OTOF: variants seen among roughly 807,000 people sequenced by gnomAD.
OTOF encodes otoferlin.
Under a neutral mutation model 236.8 loss-of-function variants are expected in OTOF, and 218 were observed. The observed-to-expected ratio is 0.92, with a 90% CI of 0.82 to 1.03. The LOEUF (loss-of-function observed/expected upper bound fraction) is 1.03. OTOF is among the 50% of genes least tolerant of loss of function. OTOF has a pLI of 0.00. For missense variants in OTOF, 2,590 were observed against 2,694.4 expected (o/e 0.96, Z 0.86); for synonymous variants, 1,041 against 1,072.5 (o/e 0.97, Z 0.57).
At chr2:26,495,871 A>C (rs1010918383) in intron 8 of OTOF, among the ~76,000 whole-genome samples, 2 of 152,234 alleles carry the variant, frequency 1.3e-5, no homozygotes, top group Non-Finnish European at 2.9e-5. Flanking sequence ...GTCTTCATTA[A>C]CTTGCATTTA....
chr2:26,462,917 G>A lies in OTOF; in HGVS notation c.5192+566C>T, dbSNP rs1390295261. ...TCTGACAGCTGGACTTGAACCTGCCGCTTTATGGATGGGAAACCCGGGTTC... is the reference window on the plus strand; with the variant it reads ...TCTGACAGCTGGACTTGAACCTGCCACTTTATGGATGGGAAACCCGGGTTC... On this transcript the variant is annotated intron_variant, in intron 41 of 46. Coordinates refer to ENST00000272371, the MANE Select transcript of OTOF (RefSeq NM_194248.3). The surrounding 1 kb of genome is among the most constrained non-coding windows in gnomAD (Gnocchi z 4.7). Among the ~76,000 whole-genome samples the A allele has an allele frequency of 2.6e-5, 4 of 152,164 alleles. No homozygotes were observed. The highest frequency in any genetic ancestry group is 6.5e-5 in the Admixed American group (1 of 15,274).
intron 1 of OTOF, among the ~76,000 whole-genome samples, chr2:26,541,636 G>C (rs1396615767): frequency 6.6e-6 from 1 of 152,180 alleles, no homozygotes; most frequent in Non-Finnish European, 1.5e-5. Context: ...AAGTGATCAG[G>C]GGGATGACTA....
intron 1 of OTOF, among the ~76,000 whole-genome samples, chr2:26,547,611 A>T (rs775036963): frequency 6.6e-6 from 1 of 152,104 alleles, no homozygotes; most frequent in Non-Finnish European, 1.5e-5. Flanking sequence ...CGATATGGGC[A>T]GATCACTTGA....
chr2:26,516,374 G>A (rs368652494), intron 5 of OTOF, 44 bp downstream of exon 5: 24 of 1,575,476 alleles, frequency 1.5e-5, no homozygotes, highest in African/African-American at 8.1e-5. Flanking sequence ...TCTCTTCCCC[G>A]TGTCTTGGGA....
In OTOF at chr2:26,483,766, G is replaced by A. The variant is rs1431953655; in HGVS notation, c.1206-118C>T. The A allele has an allele frequency of 6.6e-6, 6 of 902,994 alleles. No individual in the cohort carries two copies. In the Admixed American group the frequency reaches 1.1e-4, roughly 17 times the overall value. 55.9% of individuals were successfully genotyped at this position (902,994 alleles called of 1,614,324 possible). On this transcript the variant is annotated intron_variant, in intron 12 of 46. Transcript: ENST00000272371. ...TCTAAGGGACAGCTGAGGGAGCAAGGCTAGGATTAGACACTTGTGTTCACG... is the reference window on the plus strand; with the variant it reads ...TCTAAGGGACAGCTGAGGGAGCAAGACTAGGATTAGACACTTGTGTTCACG...
intron 7 of OTOF, 129 bp downstream of exon 7, chr2:26,502,171 G>T: frequency 1.0e-6 from 1 of 970,016 alleles, no homozygotes; most frequent in Non-Finnish European, 1.6e-6. Context: ...GCAGAAAAGG[G>T]TAAGGTTAGG....
intron 9 of OTOF, among the ~76,000 whole-genome samples, chr2:26,490,944 G>A (rs1016692841): frequency 1.3e-5 from 2 of 152,156 alleles, no homozygotes; most frequent in Non-Finnish European, 2.9e-5. Context: ...GAGTTCTGAA[G>A]CTCTGGGGAG....
intron 1 of OTOF, among the ~76,000 whole-genome samples, chr2:26,546,929 C>G (rs559895111): frequency 1.3e-5 from 2 of 152,196 alleles, no homozygotes; most frequent in South Asian, 4.2e-4. Context: ...TCTACATAAC[C>G]AATCAGGTTT....
Position 26,461,574 on chromosome 2 carries a change from GATGGACTGGAAGCA to G in OTOF, c.5533+108_5533+121del. 1 of 1,385,112 alleles carries G rather than the reference GATGGACTGGAAGCA, an allele frequency of 7.2e-7. No individual in the cohort carries two copies. The highest frequency in any genetic ancestry group is 1.0e-6 in the Non-Finnish European group (1 of 998,888). The allele number at this position is 1,385,112 out of a possible 1,614,324, so 85.8% of individuals were successfully genotyped here. On this transcript the variant is annotated intron_variant, in intron 43 of 46. Coordinates refer to ENST00000272371, the MANE Select transcript of OTOF (RefSeq NM_194248.3). The surrounding 1 kb of genome is among the most constrained non-coding windows in gnomAD (Gnocchi z 6.2). ...AACCCCGTCGGACACCCCTGGCTCT[GATGGACTGGAAGCA>G]ATGACCCCTTGTCCCCCCAAGGCAG... is the stretch of plus-strand genomic sequence containing the variant.
In OTOF at chr2:26,458,170, TTGA is replaced by T. The variant is rs754441026; in HGVS notation, c.*65_*67del. On this transcript the variant is annotated 3_prime_UTR_variant, in exon 47 of 47. Transcript: ENST00000272371. ...CTTGTACCGGGTGCAGATGAGGTAC[TTGA>T]TGGACTTGAGAGGGTTGAGGAACCA... is the stretch of plus-strand genomic sequence containing the variant. The T allele has an allele frequency of 1.9e-6, 3 of 1,613,118 alleles. No homozygotes were observed. The highest frequency in any genetic ancestry group is 2.5e-6 in the Non-Finnish European group (3 of 1,179,586).
At chr2:26,510,837 G>A (rs758948982) in intron 5 of OTOF, 8 of 819,510 alleles carry the variant, frequency 9.8e-6, no homozygotes, top group African/African-American at 3.6e-5. Flanking sequence ...GGCCCCACGG[G>A]CCTGCACGCT....
chr2:26,517,080 A>T (rs1666550993), intron 4 of OTOF, among the ~76,000 whole-genome samples: 1 of 152,206 alleles, frequency 6.6e-6, no homozygotes, highest in African/African-American at 2.4e-5. Flanking sequence ...AGAGGAGCCC[A>T]GGGCCCAGGC....
intron 3 of OTOF, among the ~76,000 whole-genome samples, chr2:26,519,658 A>G (rs7583732): frequency 0.02 from 3,092 of 152,316 alleles, 113 homozygotes; most frequent in African/African-American, 0.07. Flanking sequence ...GCTTTGGTTA[A>G]CAGCACAGTC....
In OTOF at chr2:26,462,254, G is replaced by C. The variant is rs1664503092; in HGVS notation, c.5193-73C>G. On this transcript the variant is annotated intron_variant, in intron 41 of 46. Coordinates refer to ENST00000272371, the MANE Select transcript of OTOF (RefSeq NM_194248.3). The surrounding 1 kb of genome is among the most constrained non-coding windows in gnomAD (Gnocchi z 4.7). Reference sequence around the variant, plus strand: ...TGCCAGGGTGCCAGGGCTGGGATGGGGCAGGCGGAGAGAAGCCCTGGGGTC... The same window carrying C: ...TGCCAGGGTGCCAGGGCTGGGATGGCGCAGGCGGAGAGAAGCCCTGGGGTC... 7.7e-7 allele frequency: 1 copy of C among 1,305,922 alleles called. No individual in the cohort carries two copies. Among genetic ancestry groups the C allele is most frequent in the African/African-American group, 1.4e-5 (1 of 69,078 alleles). 80.9% of individuals were successfully genotyped at this position (1,305,922 alleles called of 1,614,324 possible).
intron 9 of OTOF, among the ~76,000 whole-genome samples, chr2:26,494,378 G>A (rs1572449603): frequency 6.6e-6 from 1 of 152,242 alleles, no homozygotes. Context: ...TGAAGGAGCC[G>A]AGCCAAGAGG....
rs145151677 is a variant in OTOF at position 26,474,015 on chromosome 2, G to A, written c.3384C>T (p.Pro1128=). The A allele has an allele frequency of 1.6e-4, 266 of 1,612,998 alleles. 2 individuals carry two copies. In the African/African-American group the frequency reaches 3.2e-3, roughly 19 times the overall value. The part of the protein sequence containing the change: ...PIMPVPMGIR[P]VLSKYRVEVL... ...CCTCCACTCGGTACTTGCTGAGCAC[G>A]GGCCGGATGCCCATGGGCACGGGCA... Residue 1128 remains proline, a synonymous_variant, in exon 27 of 47, where the codon CCC becomes CCT. Coordinates refer to ENST00000272371, the MANE Select transcript of OTOF (RefSeq NM_194248.3).
intron 46 of OTOF, among the ~76,000 whole-genome samples, chr2:26,459,278 C>T (rs746234073): frequency 3.9e-5 from 6 of 152,100 alleles, no homozygotes; most frequent in Non-Finnish European, 7.4e-5. Context: ...GTCGGCTGGG[C>T]GCGGTGGCTC....
rs1369105669 is a variant in OTOF at position 26,480,298 on chromosome 2, T to C, written c.1817A>G (p.Lys606Arg). Residue 606 changes from lysine (K) to arginine (R), a missense_variant, in exon 16 of 47, where the codon AAA (lysine) becomes AGA (arginine). By Grantham distance (26) the Lys-to-Arg change is conservative. Transcript: ENST00000272371. ...TCCAAAGAGAAAGAATTCTTCCATT[T>C]TACCTGCACAGCTCTGTGGGGAGGC... ...ATPISESCAGKMEEFFLFGAF... is the reference protein window; with the variant it reads ...ATPISESCAGRMEEFFLFGAF... 6.2e-7 allele frequency: 1 copy of C among 1,605,634 alleles called. No individual in the cohort carries two copies.
At chr2:26,521,585 A>G (rs1666678392) in intron 3 of OTOF, among the ~76,000 whole-genome samples, 1 of 152,178 alleles carries the variant, frequency 6.6e-6, no homozygotes, top group African/African-American at 2.4e-5. Context: ...GGTGGTGGTG[A>G]CAGTGATGGG....
Sources: allele counts gnomAD v4.1 joint callset (sites outside exome capture counted in the v4.1 genomes callset), GRCh38; gene constraint gnomAD v4.1.1; non-coding constraint Gnocchi (gnomAD v3.1); transcripts MANE v1.5; gene names NCBI Gene and HGNC (gene_info 2026-07-23, HGNC 2026-07-21).